Variants in SLC9A9 observed in about 807,000 individuals in gnomAD.
SLC9A9 encodes the protein solute carrier family 9 member A9, also known as sodium/hydrogen exchanger 9.
Under a neutral mutation model 77.8 loss-of-function variants are expected in SLC9A9, and 62 were observed. The observed-to-expected ratio is 0.80, with a 90% CI of 0.65 to 0.98. SLC9A9 has a LOEUF of 0.98. Among genes scored for constraint, SLC9A9 ranks in the 50% least tolerant of loss-of-function variants. The pLI is 0.00. For synonymous variants in SLC9A9, 320 were observed against 283.5 expected, an observed-to-expected ratio of 1.13 and a Z score of -1.29; for missense variants, 775 against 774.9, an observed-to-expected ratio of 1.00 and a Z score of 0.00.
intron 14 of SLC9A9, among the ~76,000 whole-genome samples, chr3:143,349,402 G>A (rs970886688): frequency 1.3e-5 from 2 of 152,264 alleles, no homozygotes; most frequent in African/African-American, 4.8e-5. Context: ...TTCAGCATGT[G>A]GTTGTAAAGG....
At chr3:143,452,005 C>A (rs2035015919) in intron 12 of SLC9A9, among the ~76,000 whole-genome samples, 3 of 151,908 alleles carry the variant, frequency 2.0e-5, no homozygotes, top group Non-Finnish European at 2.9e-5. Flanking sequence ...AAGATACAGA[C>A]AATTTGAGTA....
At chr3:143,550,546 G>T (rs1318623556) in intron 9 of SLC9A9, among the ~76,000 whole-genome samples, 2 of 152,102 alleles carry the variant, frequency 1.3e-5, no homozygotes, top group Non-Finnish European at 2.9e-5. Context: ...CAACACTGGG[G>T]CTTTCTTTTC....
chr3:143,738,103 A>G (rs765589605), intron 4 of SLC9A9, among the ~76,000 whole-genome samples: 3 of 152,240 alleles, frequency 2.0e-5, no homozygotes, highest in Non-Finnish European at 4.4e-5. Context: ...GATATGCTGC[A>G]TGCAATTTAT....
intron 4 of SLC9A9, among the ~76,000 whole-genome samples, chr3:143,724,990 G>A (rs368672396): frequency 6.6e-6 from 1 of 152,142 alleles, no homozygotes; most frequent in African/African-American, 2.4e-5. Context: ...GCTTCACGTG[G>A]CTTGGTCTAA....
chr3:143,305,917 T>A (rs188453288), intron 14 of SLC9A9, among the ~76,000 whole-genome samples: 1 of 152,236 alleles, frequency 6.6e-6, no homozygotes, highest in South Asian at 2.1e-4. Context: ...TTGCTATTCA[T>A]CAAATTTGTA....
At chr3:143,835,675 A>T (rs1461961038) in intron 1 of SLC9A9, among the ~76,000 whole-genome samples, 3 of 152,222 alleles carry the variant, frequency 2.0e-5, no homozygotes, top group African/African-American at 7.2e-5. Context: ...AAGATACAAG[A>T]TTAAGAAAGC....
intron 2 of SLC9A9, among the ~76,000 whole-genome samples, chr3:143,810,633 G>A (rs1348798798): frequency 3.5e-4 from 53 of 152,210 alleles, no homozygotes; most frequent in Admixed American, 3.5e-3. Context: ...GAAACATGAG[G>A]CTAACATAAC....
intron 4 of SLC9A9, among the ~76,000 whole-genome samples, chr3:143,762,806 C>T (rs1016745736): frequency 1.3e-5 from 2 of 152,096 alleles, no homozygotes; most frequent in Non-Finnish European, 2.9e-5. Context: ...TGCTGGTCTC[C>T]CTGATGTAAA....
At chr3:143,734,765 C>T (rs1934898141) in intron 4 of SLC9A9, among the ~76,000 whole-genome samples, 1 of 151,136 alleles carries the variant, frequency 6.6e-6, no homozygotes, top group South Asian at 2.1e-4. Context: ...TACGTAGACT[C>T]TTCTACAGAG....
chr3:143,802,240 T>C (rs2108864314), intron 2 of SLC9A9, among the ~76,000 whole-genome samples: 1 of 152,310 alleles, frequency 6.6e-6, no homozygotes, highest in East Asian at 1.9e-4. Flanking sequence ...GTGTCATCAT[T>C]TCATAACCTC....
chr3:143,330,613 C>G (rs1265155952), intron 14 of SLC9A9, among the ~76,000 whole-genome samples: 1 of 152,200 alleles, frequency 6.6e-6, no homozygotes, highest in African/African-American at 2.4e-5. Context: ...TCCTGAAAAT[C>G]ATAAAATGTC....
At chr3:143,324,949 T>C (rs1438136475) in intron 14 of SLC9A9, among the ~76,000 whole-genome samples, 1 of 152,232 alleles carries the variant, frequency 6.6e-6, no homozygotes, top group Non-Finnish European at 1.5e-5. Flanking sequence ...TTAAAAATAA[T>C]GTCAGTTCCC....
chr3:143,782,368 C>A (rs1326319092), intron 4 of SLC9A9, among the ~76,000 whole-genome samples: 1 of 152,156 alleles, frequency 6.6e-6, no homozygotes, highest in African/African-American at 2.4e-5. Flanking sequence ...GATTCAGGAG[C>A]TCTGGGGTGA....
rs573070095 is a variant in SLC9A9 at position 143,543,715 on chromosome 3, A to G, written c.1089+8647T>C. Among the ~76,000 whole-genome samples the G allele has an allele frequency of 4.8e-5, 6 of 125,738 alleles. No individual in the cohort carries two copies. In the East Asian group the frequency reaches 6.3e-4, roughly 13 times the overall value. 82.5% of individuals were successfully genotyped at this position (125,738 alleles called of 152,430 possible). ...CTGCATCCATGTTGCTGCAAAGCAC[A>G]TGATTTCATTCTTCTGTATGGATGT... On this transcript the variant is annotated intron_variant, in intron 9 of 15. Transcript: ENST00000316549.
intron 12 of SLC9A9, among the ~76,000 whole-genome samples, chr3:143,395,835 G>C (rs554434401): frequency 6.6e-6 from 1 of 152,280 alleles, no homozygotes; most frequent in East Asian, 1.9e-4. Flanking sequence ...GCAGCCAACA[G>C]ACATATGAAA....
chr3:143,542,947 G>A (rs1334415246), intron 9 of SLC9A9, among the ~76,000 whole-genome samples: 7 of 152,198 alleles, frequency 4.6e-5, no homozygotes, highest in East Asian at 3.9e-4. Flanking sequence ...TGTTACATAT[G>A]TACAGAGTTT....
At position 143,792,105 on chromosome 3, in the gene SLC9A9, AT is replaced by A. The variant is rs543063500; in HGVS notation, c.533+2895del. The stretch of plus-strand genomic sequence containing the variant: ...TTCATCTGTTAAATGAGGGTAATAA[AT>A]AGTATCTACTTAATAGGATTATTTT... On this transcript the variant is annotated intron_variant, in intron 4 of 15. Transcript: ENST00000316549. Among the ~76,000 whole-genome samples, 376 of 152,328 alleles carry A rather than the reference AT, an allele frequency of 2.5e-3. 3 individuals carry two copies. The highest frequency in any genetic ancestry group is 8.5e-3 in the African/African-American group (355 of 41,574).
chr3:143,838,819 T>C (rs113752387), intron 1 of SLC9A9, among the ~76,000 whole-genome samples: 1 of 152,226 alleles, frequency 6.6e-6, no homozygotes, highest in East Asian at 1.9e-4. Flanking sequence ...ATAGTCTGAA[T>C]AATAATTTAA....
intron 2 of SLC9A9, among the ~76,000 whole-genome samples, chr3:143,814,411 T>C (rs148767958): frequency 6.7e-4 from 102 of 152,174 alleles, no homozygotes; most frequent in Non-Finnish European, 1.1e-3. Context: ...GACAGAATGC[T>C]GGAAGGGGAT....
Sources: allele counts gnomAD v4.1 joint callset (sites outside exome capture counted in the v4.1 genomes callset), GRCh38; gene constraint gnomAD v4.1.1; transcripts MANE v1.5; gene names NCBI Gene and HGNC (gene_info 2026-07-23, HGNC 2026-07-21).